The following NRXN1 variants were observed in gnomAD, a reference collection of about 807,000 sequenced individuals.
The protein encoded by NRXN1 is neurexin 1.
Under a neutral mutation model 150.9 loss-of-function variants are expected in NRXN1, and 39 were observed. The observed-to-expected ratio is 0.26, with a 90% CI of 0.20 to 0.34. The LOEUF is 0.34. Among genes scored for constraint, NRXN1 ranks in the 10% least tolerant of loss-of-function variants. The pLI is 1.00. For synonymous variants in NRXN1, 924 were observed against 757.0 expected (o/e 1.22, Z -3.62); for missense variants, 1,815 against 1,949.9 (o/e 0.93, Z 1.30).
chr2:50,932,920 T>C (rs969646422), intron 2 of NRXN1, among the ~76,000 whole-genome samples: 1 of 152,066 alleles, frequency 6.6e-6, no homozygotes, highest in Non-Finnish European at 1.5e-5. Flanking sequence ...TGCATTTATT[T>C]GTTGATTCTA....
chr2:50,812,721 A>T (rs1668390325), intron 5 of NRXN1, among the ~76,000 whole-genome samples: 1 of 120,238 alleles, frequency 8.3e-6, no homozygotes, highest in Non-Finnish European at 1.7e-5. Flanking sequence ...ATAAATAATA[A>T]GAGTGTGTGT....
At chr2:50,399,917 G>C (rs1300810551) in intron 17 of NRXN1, among the ~76,000 whole-genome samples, 1 of 140,436 alleles carries the variant, frequency 7.1e-6, no homozygotes, top group Non-Finnish European at 1.5e-5. Flanking sequence ...ATAAGAACAG[G>C]TCTTTAGTTA....
chr2:50,682,270 TA>T (rs1397104166), intron 5 of NRXN1, among the ~76,000 whole-genome samples: 8 of 152,164 alleles, frequency 5.3e-5, no homozygotes, highest in Non-Finnish European at 4.4e-5. Flanking sequence ...TCTCTTTACT[TA>T]AAAAGAATCA....
chr2:50,840,925 C>T (rs917534294), intron 5 of NRXN1: 1 of 152,258 alleles, frequency 6.6e-6, no homozygotes, highest in Non-Finnish European at 1.5e-5. Flanking sequence ...ACGCTTACTT[C>T]CCTCAACCCC....
intron 5 of NRXN1, among the ~76,000 whole-genome samples, chr2:50,813,847 C>T (rs17041061): frequency 0.094 from 14,293 of 152,170 alleles, 860 homozygotes; most frequent in East Asian, 0.22. Context: ...CACTGAACTA[C>T]TAATTATTCT....
At chr2:50,558,825 C>CGAGGAGGGCGGATCATG (rs1467718482) in intron 8 of NRXN1, among the ~76,000 whole-genome samples, 7 of 152,030 alleles carry the variant, frequency 4.6e-5, no homozygotes, top group Non-Finnish European at 8.8e-5. Flanking sequence ...TTTGGGAGGC[C>CGAGGAGGGCGGATCATG]GAGGAGGGCG....
chr2:50,237,009 T>TC, intron 17 of NRXN1, 39 bp from the exon 18 acceptor site: 1 of 1,597,228 alleles, frequency 6.3e-7, no homozygotes, highest in South Asian at 1.1e-5. Context: ...TCCAAATACA[T>TC]CAAGTCTGCA....
intron 5 of NRXN1, chr2:50,918,924 A>C (rs369836219): frequency 1.2e-4 from 21 of 170,004 alleles, no homozygotes; most frequent in African/African-American, 4.7e-4. Context: ...GCTTTGAATA[A>C]CAGATCTTCA....
At chr2:50,892,846 T>C (rs1681287587) in intron 5 of NRXN1, among the ~76,000 whole-genome samples, 1 of 152,170 alleles carries the variant, frequency 6.6e-6, no homozygotes. Flanking sequence ...TTCAACAACT[T>C]ACTGTTCATC....
chr2:50,992,571 T>G (rs1698701559), intron 2 of NRXN1, among the ~76,000 whole-genome samples: 1 of 151,990 alleles, frequency 6.6e-6, no homozygotes. Flanking sequence ...AATAAGCTGT[T>G]GGCAGGACCT....
chr2:50,530,306 C>T (rs1191063774), intron 11 of NRXN1, among the ~76,000 whole-genome samples: 1 of 152,070 alleles, frequency 6.6e-6, no homozygotes, highest in East Asian at 1.9e-4. Context: ...AAACTGATTT[C>T]CAATACTTCA....
chr2:50,610,675 A>ATATATATATC (rs1677937708), intron 8 of NRXN1, among the ~76,000 whole-genome samples: 1 of 129,888 alleles, frequency 7.7e-6, no homozygotes, highest in Non-Finnish European at 1.6e-5. Flanking sequence ...ATATATATAT[A>ATATATATATC]TATCTGTACA....
chr2:50,333,315 C>G (rs1343902221), intron 17 of NRXN1, among the ~76,000 whole-genome samples: 1 of 152,150 alleles, frequency 6.6e-6, no homozygotes, highest in Non-Finnish European at 1.5e-5. Flanking sequence ...GTTGCCCTAC[C>G]TGCAAAATGG....
chr2:50,102,000 T>C (rs746358982), intron 18 of NRXN1, among the ~76,000 whole-genome samples: 1 of 151,902 alleles, frequency 6.6e-6, no homozygotes, highest in African/African-American at 2.4e-5. Context: ...CCGACATCCT[T>C]AGGAAAAAAA....
At chr2:50,735,146 G>A (rs777954215) in intron 5 of NRXN1, among the ~76,000 whole-genome samples, 8 of 152,154 alleles carry the variant, frequency 5.3e-5, no homozygotes, top group South Asian at 2.1e-4. Context: ...TAGGCCTTTC[G>A]TTTATTGCCA....
chr2:50,153,733 G>A (rs1019263210), intron 18 of NRXN1, among the ~76,000 whole-genome samples: 9 of 151,802 alleles, frequency 5.9e-5, no homozygotes, highest in Non-Finnish European at 1.2e-4. Flanking sequence ...AATAAAGTGT[G>A]TGTGGGAAAG....
At chr2:49,928,870 A>G (rs1228701420) in intron 22 of NRXN1, among the ~76,000 whole-genome samples, 1 of 152,180 alleles carries the variant, frequency 6.6e-6, no homozygotes, top group East Asian at 1.9e-4. Flanking sequence ...AATTCCACCC[A>G]TGCCTGCACA....
chr2:50,865,907 A>G (rs1676873090), intron 5 of NRXN1, among the ~76,000 whole-genome samples: 1 of 151,468 alleles, frequency 6.6e-6, no homozygotes, highest in South Asian at 2.1e-4. Flanking sequence ...AGATAAGGAA[A>G]TAGAGGATTA....
chr2:50,576,857 A>G (rs1386111164), intron 8 of NRXN1, among the ~76,000 whole-genome samples: 4 of 151,866 alleles, frequency 2.6e-5, no homozygotes, highest in Non-Finnish European at 5.9e-5. Flanking sequence ...CTCTTTACCT[A>G]TTCTCTTCCC....
Sources: gnomAD v4.1 joint callset for allele counts (sites outside exome capture counted in the v4.1 genomes callset) on GRCh38, gnomAD v4.1.1 for gene constraint, MANE v1.5 for transcripts, NCBI Gene and HGNC (gene_info 2026-07-23, HGNC 2026-07-21) for gene names.